STX7: variants seen among roughly 807,000 people sequenced by gnomAD.
The protein encoded by STX7 is syntaxin 7.
A neutral mutation model predicts 39.6 loss-of-function variants in STX7; 34 were observed. The ratio of observed to expected loss-of-function variants is 0.86; its 90% CI spans 0.65 to 1.14. STX7 has a LOEUF of 1.14. Ranked by LOEUF, STX7 falls within the 50% of genes most tolerant of loss-of-function variation. STX7 has a pLI of 0.00. For synonymous variants in STX7, 119 were observed against 99.1 expected (o/e 1.20, Z -1.19); for missense variants, 284 against 310.4 (o/e 0.92, Z 0.64).
chr6:132,474,100 T>A (rs1388152539), intron 3 of STX7, among the ~76,000 whole-genome samples: 1 of 151,658 alleles, frequency 6.6e-6, no homozygotes, highest in Non-Finnish European at 1.5e-5. Flanking sequence ...ATGGTGGATG[T>A]GCCTGTATTC....
At chr6:132,477,535 C>T (rs1298996447) in intron 2 of STX7, among the ~76,000 whole-genome samples, 1 of 151,886 alleles carries the variant, frequency 6.6e-6, no homozygotes, top group East Asian at 1.9e-4. Context: ...TTTAATAAAC[C>T]ATTAATTTAA....
At chr6:132,500,360 G>A (rs1340432691) in intron 2 of STX7, among the ~76,000 whole-genome samples, 1 of 152,156 alleles carries the variant, frequency 6.6e-6, no homozygotes. Flanking sequence ...CTGTGCTTCA[G>A]CCACACTAGC....
intron 3 of STX7, among the ~76,000 whole-genome samples, chr6:132,474,853 A>ATT (rs1774831203): frequency 6.6e-6 from 1 of 152,180 alleles, no homozygotes; most frequent in Non-Finnish European, 1.5e-5. Flanking sequence ...ATAATTCATT[A>ATT]TAACTTTTTT....
intron 2 of STX7, among the ~76,000 whole-genome samples, chr6:132,482,002 T>C (rs6901217): frequency 0.023 from 3,546 of 152,228 alleles, 127 homozygotes; most frequent in African/African-American, 0.08. Context: ...AGAAGGCAAA[T>C]TTCTTGAAGG....
intron 3 of STX7, 44 bp downstream of exon 3, chr6:132,475,547 AAT>A: frequency 7.6e-7 from 1 of 1,321,722 alleles, no homozygotes; most frequent in Non-Finnish European, 1.1e-6. Context: ...GAATAATAGC[AAT>A]AGAGTTTTTT....
At chr6:132,510,803 G>T (rs1344012708) in intron 1 of STX7, among the ~76,000 whole-genome samples, 1 of 152,190 alleles carries the variant, frequency 6.6e-6, no homozygotes, top group Non-Finnish European at 1.5e-5. Context: ...GCAACACTCA[G>T]ATGAGAGTCT....
Position 132,472,290 on chromosome 6 carries a change from T to C in STX7, c.241A>G (p.Ser81Gly). The C allele has an allele frequency of 6.2e-7, 1 of 1,612,602 alleles. No individual in the cohort carries two copies. Among genetic ancestry groups the C allele is most frequent in the Non-Finnish European group, 8.5e-7 (1 of 1,179,488 alleles). Reference sequence around the variant, plus strand: ...GTCTTAAAGCTTGATACCTGTTCACTGGGGGTGGTGGGCAGAGATCCAAAC... The same window carrying C: ...GTCTTAAAGCTTGATACCTGTTCACCGGGGGTGGTGGGCAGAGATCCAAAC... ...KEFGSLPTTP[S>G]EQRQRKIQKD... Residue 81 changes from serine (S) to glycine (G), a missense_variant, in exon 4 of 10, where the codon AGT becomes GGT. By Grantham distance (56) the Ser-to-Gly change is moderately conservative (BLOSUM62 0). Transcript: ENST00000367941.
intron 1 of STX7, among the ~76,000 whole-genome samples, chr6:132,508,993 T>C (rs535531831): frequency 2.0e-5 from 3 of 152,216 alleles, no homozygotes; most frequent in Non-Finnish European, 4.4e-5. Context: ...GTGGGTATAA[T>C]TGCTAATGTG....
intron 2 of STX7, among the ~76,000 whole-genome samples, chr6:132,488,991 C>G (rs535394778): frequency 5.4e-4 from 82 of 151,992 alleles, no homozygotes; most frequent in Middle Eastern, 3.4e-3. Flanking sequence ...CACTTGAGGC[C>G]AGGAGTTCGA....
chr6:132,471,652 T>C (rs1187827245), intron 4 of STX7, 52 bp from the exon 5 acceptor site: 1 of 1,596,318 alleles, frequency 6.3e-7, no homozygotes, highest in South Asian at 1.1e-5. Context: ...GAAGTTCAAC[T>C]GAATTTGCGG....
intron 2 of STX7, 135 bp from the exon 3 acceptor site, chr6:132,475,797 C>A: frequency 2.4e-6 from 1 of 408,706 alleles, no homozygotes; most frequent in Non-Finnish European, 4.1e-6. Context: ...AAAATATTAA[C>A]TGGAAAAAAG....
chr6:132,480,926 A>G (rs1775001020), intron 2 of STX7, among the ~76,000 whole-genome samples: 1 of 152,158 alleles, frequency 6.6e-6, no homozygotes, highest in Non-Finnish European at 1.5e-5. Context: ...TATTTCCTCC[A>G]CTGTTATATA....
chr6:132,466,654 A>C (rs1042733729), intron 8 of STX7, among the ~76,000 whole-genome samples: 2 of 152,180 alleles, frequency 1.3e-5, no homozygotes, highest in Non-Finnish European at 2.9e-5. Context: ...CTATGTGTAC[A>C]CAGATCACTC....
intron 7 of STX7, among the ~76,000 whole-genome samples, chr6:132,469,128 T>C (rs905514931): frequency 3.3e-5 from 5 of 152,242 alleles, no homozygotes; most frequent in Non-Finnish European, 7.4e-5. Context: ...AGGTCTTCAA[T>C]AAATTGTAGC....
chr6:132,465,891 CCTCT>C (rs1208255991), intron 8 of STX7, among the ~76,000 whole-genome samples: 2 of 152,120 alleles, frequency 1.3e-5, no homozygotes, highest in East Asian at 1.9e-4. Context: ...CAGCAAACTT[CCTCT>C]CTCTCTTACT....
chr6:132,467,770 T>C (rs1392910171), intron 8 of STX7, among the ~76,000 whole-genome samples: 1 of 152,226 alleles, frequency 6.6e-6, no homozygotes, highest in East Asian at 1.9e-4. Flanking sequence ...TCTTTAGACA[T>C]ACCAATACAT....
At chr6:132,491,399 C>A (rs573618248) in intron 2 of STX7, among the ~76,000 whole-genome samples, 1 of 152,172 alleles carries the variant, frequency 6.6e-6, no homozygotes, top group Admixed American at 6.5e-5. Context: ...AAAAGAAGGA[C>A]AAATTCAAAA....
At chr6:132,471,038 A>T (rs1774704748) in intron 5 of STX7, among the ~76,000 whole-genome samples, 1 of 152,138 alleles carries the variant, frequency 6.6e-6, no homozygotes, top group Non-Finnish European at 1.5e-5. Context: ...TATTTTCTCC[A>T]GGCTCATGTT....
At chr6:132,483,163 A>G (rs753652227) in intron 2 of STX7, among the ~76,000 whole-genome samples, 18 of 152,142 alleles carry the variant, frequency 1.2e-4, no homozygotes, top group African/African-American at 4.3e-4. Flanking sequence ...GCCTCCCTCC[A>G]TCCACCTCCC....
Sources: gnomAD v4.1 joint callset for allele counts (sites outside exome capture counted in the v4.1 genomes callset) on GRCh38, gnomAD v4.1.1 for gene constraint, MANE v1.5 for transcripts, NCBI Gene and HGNC (gene_info 2026-07-23, HGNC 2026-07-21) for gene names.